PHLPP1: variants seen among roughly 807,000 people sequenced by gnomAD.
PHLPP1 encodes the protein PH domain leucine-rich repeat-containing protein phosphatase 1.
Under a neutral mutation model 117.2 loss-of-function variants are expected in PHLPP1, and 42 were observed. That is an observed-to-expected ratio of 0.36 (90% CI 0.28 to 0.46). The LOEUF is 0.46. Among genes scored for constraint, PHLPP1 ranks in the 20% least tolerant of loss-of-function variants. The pLI is 1.00. For missense variants in PHLPP1, 2,084 were observed against 2,241.9 expected (o/e 0.93, Z 1.42); for synonymous variants, 1,042 against 970.7 (o/e 1.07, Z -1.37).
intron 1 of PHLPP1, among the ~76,000 whole-genome samples, chr18:62,809,595 C>T (rs957725952): frequency 1.3e-5 from 2 of 151,848 alleles, no homozygotes; most frequent in Non-Finnish European, 2.9e-5. Flanking sequence ...CCAGCAACTC[C>T]GGAGCCTGAG....
intron 4 of PHLPP1, among the ~76,000 whole-genome samples, chr18:62,891,575 A>G (rs1041513369): frequency 6.6e-6 from 1 of 151,406 alleles, no homozygotes; most frequent in African/African-American, 2.4e-5. Flanking sequence ...ACAGAGCTAG[A>G]CTCCGTCTCA....
intron 3 of PHLPP1, chr18:62,839,349 T>G (rs1914994449): frequency 1.3e-5 from 2 of 157,088 alleles, no homozygotes; most frequent in Admixed American, 1.2e-4. Context: ...TTTCAGTGAT[T>G]TAATTTTTTA....
chr18:62,784,828 G>A (rs138605587), intron 1 of PHLPP1, among the ~76,000 whole-genome samples: 60 of 152,242 alleles, frequency 3.9e-4, no homozygotes, highest in South Asian at 1.4e-3. Flanking sequence ...TTTTGACGTA[G>A]TTGCCGTAAT....
intron 3 of PHLPP1, chr18:62,839,965 T>G (rs1915012323): frequency 1.3e-5 from 2 of 151,752 alleles, no homozygotes; most frequent in South Asian, 2.1e-4. Context: ...GGTTTGGGTG[T>G]TGTTTTTGAA....
chr18:62,935,034 AATTAGAC>A (rs1450365103), intron 10 of PHLPP1, among the ~76,000 whole-genome samples: 1 of 152,210 alleles, frequency 6.6e-6, no homozygotes, highest in Non-Finnish European at 1.5e-5. Context: ...TTAGCCAGGT[AATTAGAC>A]AAGAAAAGAT....
At position 62,824,802 on chromosome 18, in the gene PHLPP1, T is replaced by G. The variant is rs182802347; in HGVS notation, c.1577-5233T>G. ...CTGTGAAAATAAATGTTTAAACCATTCAGGATGTAAAACAACCCCAACAAA... is the reference window on the plus strand; with the variant it reads ...CTGTGAAAATAAATGTTTAAACCATGCAGGATGTAAAACAACCCCAACAAA... On this transcript the variant is annotated intron_variant, in intron 1 of 16. Transcript: ENST00000262719. Among the ~76,000 whole-genome samples, 145 of 152,284 alleles carry G rather than the reference T, an allele frequency of 9.5e-4. 1 individual carries two copies. The highest frequency in any genetic ancestry group is 1.9e-3 in the East Asian group (10 of 5,182).
chr18:62,771,521 A>G (rs988679692), intron 1 of PHLPP1, among the ~76,000 whole-genome samples: 2 of 152,206 alleles, frequency 1.3e-5, no homozygotes, highest in East Asian at 1.9e-4. Context: ...GTCTCCACCT[A>G]TAATGCTGTG....
intron 1 of PHLPP1, among the ~76,000 whole-genome samples, chr18:62,814,462 T>G (rs2144314660): frequency 6.6e-6 from 1 of 152,358 alleles, no homozygotes; most frequent in Admixed American, 6.5e-5. Flanking sequence ...GAAATGACCC[T>G]AGGCAAGTAA....
At position 62,823,614 on chromosome 18, in the gene PHLPP1, A is replaced by T. The variant is rs977523096; in HGVS notation, c.1577-6421A>T. 4.0e-5 allele frequency among the ~76,000 whole-genome samples: 6 copies of T among 149,830 alleles called. No homozygotes were observed. In the Admixed American group the frequency reaches 4.0e-4, roughly 10 times the overall value. ...ATATTATATATCTACATAAATATATATATCTACATATATATGTAGATATAT... is the reference window on the plus strand; with the variant it reads ...ATATTATATATCTACATAAATATATTTATCTACATATATATGTAGATATAT... On this transcript the variant is annotated intron_variant, in intron 1 of 16. Transcript: ENST00000262719.
At position 62,716,011 on chromosome 18, in the gene PHLPP1, C is replaced by G. The variant is rs1910715182; in HGVS notation, c.328C>G (p.Pro110Ala). Residue 110 changes from proline (P) to alanine (A), a missense_variant, in exon 1 of 17, where the codon CCC (proline) becomes GCC (alanine). Physicochemically the swap from Pro to Ala is conservative, Grantham distance 27. This residue lies in a region of PHLPP1 where 719 missense variants were observed against 636.0 expected (regional missense o/e 1.13). Transcript: ENST00000262719. The surrounding 1 kb of genome is among the most constrained non-coding windows in gnomAD (Gnocchi z 5.7). ...CATTGCCGGCGGGGCTGCCCCCGTA[C>G]CCGGGGCCGGCGGCGGCGCCAACTC... is the stretch of plus-strand genomic sequence containing the variant. ...QPIAGGAAPV[P>A]GAGGGANSLL... 2.2e-6 allele frequency: 3 copies of G among 1,383,624 alleles called. No individual in the cohort carries two copies. Among genetic ancestry groups the G allele is most frequent in the African/African-American group, 1.5e-5 (1 of 65,240 alleles). The allele number at this position is 1,383,624 out of a possible 1,614,324, so 85.7% of individuals were successfully genotyped here. A position where few individuals can be genotyped will look rare whatever the true frequency, so the allele number is the denominator to read the frequency against.
In PHLPP1 at chr18:62,955,702, A is replaced by T. The variant is rs183876191; in HGVS notation, c.3325-2927A>T. Reference sequence around the variant, plus strand: ...ATTTCATAATTTGATAATTTAGAGAATGAGCTAGTTTATATCTGTAGAAAA... The same window carrying T: ...ATTTCATAATTTGATAATTTAGAGATTGAGCTAGTTTATATCTGTAGAAAA... On this transcript the variant is annotated intron_variant, in intron 12 of 16. Coordinates refer to ENST00000262719, the MANE Select transcript of PHLPP1 (RefSeq NM_194449.4). 2.0e-3 allele frequency among the ~76,000 whole-genome samples: 301 copies of T among 152,334 alleles called. 4 individuals carry two copies. Among genetic ancestry groups the T allele is most frequent in the Middle Eastern group, 3.4e-3 (1 of 294 alleles).
intron 1 of PHLPP1, among the ~76,000 whole-genome samples, chr18:62,734,146 T>C (rs1245409570): frequency 2.0e-5 from 3 of 152,202 alleles, no homozygotes; most frequent in African/African-American, 4.8e-5. Context: ...TATGAGGTTT[T>C]ATTTTTCTAT....
chr18:62,976,985 C>T (rs1013630724), intron 16 of PHLPP1, among the ~76,000 whole-genome samples: 2 of 152,146 alleles, frequency 1.3e-5, no homozygotes. Flanking sequence ...TCATGAATCA[C>T]AAAACCATTG....
At chr18:62,717,507 C>G (rs549434860) in intron 1 of PHLPP1, among the ~76,000 whole-genome samples, 1 of 152,194 alleles carries the variant, frequency 6.6e-6, no homozygotes, top group Admixed American at 6.5e-5. Context: ...GCTGAATCAC[C>G]AGGAAGTACA....
At chr18:62,841,520 G>A (rs1915051357) in intron 3 of PHLPP1, among the ~76,000 whole-genome samples, 1 of 151,566 alleles carries the variant, frequency 6.6e-6, no homozygotes. Flanking sequence ...TTTTAGTAGA[G>A]ATGGGGTTTC....
At chr18:62,773,941 G>C (rs1912873887) in intron 1 of PHLPP1, among the ~76,000 whole-genome samples, 1 of 152,196 alleles carries the variant, frequency 6.6e-6, no homozygotes, top group Non-Finnish European at 1.5e-5. Context: ...AGGCAAGGCA[G>C]CTCTCTGGGG....
intron 1 of PHLPP1, among the ~76,000 whole-genome samples, chr18:62,798,511 T>C (rs1221091240): frequency 6.6e-6 from 1 of 152,200 alleles, no homozygotes; most frequent in Non-Finnish European, 1.5e-5. Flanking sequence ...TGCCCTACTT[T>C]TGTTAAAGTA....
At position 62,972,683 on chromosome 18, in the gene PHLPP1, G is replaced by A. The variant is rs752560388; in HGVS notation, c.3730G>A (p.Val1244Ile). The A allele has an allele frequency of 2.5e-6, 4 of 1,613,012 alleles. No individual in the cohort carries two copies. Among genetic ancestry groups the A allele is most frequent in the Non-Finnish European group, 3.4e-6 (4 of 1,179,062 alleles). The change falls in exon 15 of 17, where the codon GTC becomes ATC. Residue 1244 changes from valine to isoleucine, a missense_variant. This residue lies in a region of PHLPP1 where 1,365 missense variants were observed against 1,605.9 expected (regional missense o/e 0.85). Coordinates refer to ENST00000262719, the MANE Select transcript of PHLPP1 (RefSeq NM_194449.4). ...QKTKNEEEYM[V>I]NTFIVMQRKL... ...AACAAAAAACGAAGAAGAATACATG[G>A]TCAATACATTCATTGTCATGCAAAG...
intron 1 of PHLPP1, among the ~76,000 whole-genome samples, chr18:62,733,914 A>G (rs956902582): frequency 1.3e-5 from 2 of 152,214 alleles, no homozygotes; most frequent in African/African-American, 4.8e-5. Flanking sequence ...CTTAGCATTT[A>G]CCAAATACTT....
Sources: gnomAD v4.1 joint callset for allele counts (sites outside exome capture counted in the v4.1 genomes callset) on GRCh38, gnomAD v4.1.1 for gene constraint, gnomAD v4.1.1 regional missense constraint, Gnocchi (gnomAD v3.1) non-coding constraint, MANE v1.5 for transcripts, NCBI Gene and HGNC (gene_info 2026-07-23, HGNC 2026-07-21) for gene names.